The following DTNB variants were observed in gnomAD, a reference collection of about 807,000 sequenced individuals.
DTNB encodes the protein dystrobrevin beta, also known as DTN-B.
A neutral mutation model predicts 90.7 loss-of-function variants in DTNB; 63 were observed. The observed-to-expected ratio is 0.69, with a 90% confidence interval of 0.57 to 0.86. The LOEUF (loss-of-function observed/expected upper bound fraction) is 0.86, where lower values mean the gene tolerates loss of function less well. DTNB is among the 40% of genes least tolerant of loss of function. The pLI, the probability that DTNB is intolerant of heterozygous loss-of-function variation, is 0.00. For missense variants in DTNB, 744 were observed against 807.1 expected, an observed-to-expected ratio of 0.92 and a Z score of 0.95; for synonymous variants, 277 against 286.7, an observed-to-expected ratio of 0.97 and a Z score of 0.34.
At chr2:25,472,743 G>A (rs2063043194) in intron 10 of DTNB, among the ~76,000 whole-genome samples, 1 of 152,136 alleles carries the variant, frequency 6.6e-6, no homozygotes, top group South Asian at 2.1e-4. Flanking sequence ...AATTAGCTGG[G>A]TGTGGTGGCA....
At chr2:25,417,593 CAG>C (rs940520629) in intron 16 of DTNB, among the ~76,000 whole-genome samples, 16 of 152,134 alleles carry the variant, frequency 1.1e-4, no homozygotes, top group Non-Finnish European at 1.5e-5. Context: ...CTGGCACACG[CAG>C]AGAGAGATCA....
At chr2:25,610,415 T>G (rs2068282733) in intron 4 of DTNB, among the ~76,000 whole-genome samples, 1 of 152,188 alleles carries the variant, frequency 6.6e-6, no homozygotes, top group Non-Finnish European at 1.5e-5. Flanking sequence ...AAGTAAGTAA[T>G]CTCTCTGGTT....
intron 9 of DTNB, among the ~76,000 whole-genome samples, chr2:25,525,470 C>G (rs902398761): frequency 6.6e-6 from 1 of 152,038 alleles, no homozygotes; most frequent in Non-Finnish European, 1.5e-5. Flanking sequence ...AACCCCACCT[C>G]TACCAAAAAT....
intron 10 of DTNB, among the ~76,000 whole-genome samples, chr2:25,462,571 T>G (rs2061136358): frequency 6.6e-6 from 1 of 152,244 alleles, no homozygotes; most frequent in African/African-American, 2.4e-5. Flanking sequence ...ATATTTATTT[T>G]GTAGACTGTT....
intron 6 of DTNB, among the ~76,000 whole-genome samples, chr2:25,586,857 A>G (rs1028433089): frequency 3.9e-5 from 6 of 152,228 alleles, no homozygotes; most frequent in African/African-American, 1.2e-4. Context: ...GACTCACTCA[A>G]AACAGGTTAC....
intron 12 of DTNB, among the ~76,000 whole-genome samples, chr2:25,449,907 C>T (rs1297917334): frequency 2.0e-5 from 3 of 151,832 alleles, no homozygotes; most frequent in Non-Finnish European, 2.9e-5. Context: ...GGACTACAGG[C>T]GCACACTGCC....
At chr2:25,582,891 A>T (rs2061761298) in intron 6 of DTNB, among the ~76,000 whole-genome samples, 1 of 152,190 alleles carries the variant, frequency 6.6e-6, no homozygotes, top group South Asian at 2.1e-4. Flanking sequence ...TGAATGCAGG[A>T]ACAGATATGG....
chr2:25,632,998 T>A (rs1203208835), intron 3 of DTNB, among the ~76,000 whole-genome samples: 1 of 152,194 alleles, frequency 6.6e-6, no homozygotes, highest in Non-Finnish European at 1.5e-5. Context: ...AATGAGTAAC[T>A]GAAACTGTCA....
At chr2:25,518,921 T>C (rs2150771220) in intron 9 of DTNB, among the ~76,000 whole-genome samples, 1 of 152,314 alleles carries the variant, frequency 6.6e-6, no homozygotes, top group Non-Finnish European at 1.5e-5. Context: ...AGATGAGCTG[T>C]GACCTAATGG....
At chr2:25,415,244 C>CTTTTTTTTTTT (rs34257264) in intron 16 of DTNB, among the ~76,000 whole-genome samples, 1 of 123,522 alleles carries the variant, frequency 8.1e-6, no homozygotes, top group African/African-American at 3.0e-5. Context: ...ATAAGAGCTT[C>CTTTTTTTTTTT]TTTTTTTTTT....
intron 8 of DTNB, among the ~76,000 whole-genome samples, chr2:25,535,391 C>T (rs775516553): frequency 2.7e-4 from 37 of 137,226 alleles, no homozygotes; most frequent in Non-Finnish European, 5.1e-4. Flanking sequence ...GGAGGCCGCG[C>T]AGAGGTGCTC....
intron 16 of DTNB, among the ~76,000 whole-genome samples, chr2:25,391,062 A>G (rs1013096801): frequency 2.0e-5 from 3 of 151,776 alleles, no homozygotes; most frequent in African/African-American, 7.3e-5. Flanking sequence ...ACTCCCGGCT[A>G]ATTTTTTGTA....
chr2:25,653,879 C>A (rs187781910), intron 1 of DTNB, among the ~76,000 whole-genome samples: 1 of 152,126 alleles, frequency 6.6e-6, no homozygotes, highest in South Asian at 2.1e-4. Flanking sequence ...AGATGCCGTT[C>A]GTTCACCTGC....
intron 2 of DTNB, among the ~76,000 whole-genome samples, chr2:25,649,093 C>T (rs2080225376): frequency 6.7e-6 from 1 of 149,614 alleles, no homozygotes; most frequent in Admixed American, 6.7e-5. Context: ...CAAGCTCCGC[C>T]TCCCAGGTTC....
At chr2:25,381,725 G>A (rs1038385235) in intron 19 of DTNB, among the ~76,000 whole-genome samples, 1 of 152,178 alleles carries the variant, frequency 6.6e-6, no homozygotes, top group East Asian at 1.9e-4. Flanking sequence ...TCATCAACTC[G>A]TTGGCGCTGC....
chr2:25,589,100 A>G (rs2063002012), intron 6 of DTNB, among the ~76,000 whole-genome samples: 1 of 152,244 alleles, frequency 6.6e-6, no homozygotes. Context: ...ACATAGCTGG[A>G]GAGAATATTT....
Position 25,640,830 on chromosome 2 carries a change from C to A in DTNB, c.68-1736G>T, listed in dbSNP as rs1020856916. On this transcript the variant is annotated intron_variant, in intron 2 of 20. Coordinates refer to ENST00000406818, the MANE Select transcript of DTNB (RefSeq NM_021907.5). ...GACCATCCTGACTAACATGGTGAAA[C>A]CCCGTCTCTACTAAAAATACAAAAA... is the stretch of plus-strand genomic sequence containing the variant. 1.6e-4 allele frequency among the ~76,000 whole-genome samples: 25 copies of A among 152,056 alleles called. No individual in the cohort carries two copies. The East Asian group carries it at 4.8e-3, about 29-fold the overall frequency.
At chr2:25,618,535 C>A (rs1269208517) in intron 4 of DTNB, among the ~76,000 whole-genome samples, 2 of 152,186 alleles carry the variant, frequency 1.3e-5, no homozygotes, top group Non-Finnish European at 2.9e-5. Flanking sequence ...TGATATTTAA[C>A]CTGGTTTCAT....
intron 9 of DTNB, among the ~76,000 whole-genome samples, chr2:25,499,181 CA>C (rs34793068): frequency 0.33 from 46,296 of 142,258 alleles, 8,245 homozygotes; most frequent in East Asian, 0.53. Flanking sequence ...CGTGTCATTG[CA>C]AAAAAAAAAA....
Sources: gnomAD v4.1 joint callset for allele counts (sites outside exome capture counted in the v4.1 genomes callset) on GRCh38, gnomAD v4.1.1 for gene constraint, MANE v1.5 for transcripts, NCBI Gene and HGNC (gene_info 2026-07-23, HGNC 2026-07-21) for gene names.